The following PSMD5 variants were observed in gnomAD, a reference collection of about 807,000 sequenced individuals.
The protein encoded by PSMD5 is 26S proteasome non-ATPase regulatory subunit 5.
PSMD5 carries 40 observed loss-of-function variants against 52.1 expected under a neutral mutation model. The ratio of observed to expected loss-of-function variants is 0.77; its 90% confidence interval spans 0.60 to 1.00. The LOEUF (loss-of-function observed/expected upper bound fraction) is 1.00. PSMD5 is among the 50% of genes least tolerant of loss of function. The probability of loss-of-function intolerance (pLI) is 0.00; values close to 1 mark genes in which losing one functional copy is unlikely to be tolerated. For missense variants in PSMD5, 575 were observed against 605.2 expected (o/e 0.95, Z 0.52); for synonymous variants, 211 against 226.6 (o/e 0.93, Z 0.62).
In PSMD5 at chr9:120,832,089, C is replaced by G. The variant is rs965228463; in HGVS notation, c.319-144G>C. ...CAATTCATTAAAAAATCAAAATGACCTAAATTCATTCAGTCAAACACACAT... is the reference window on the plus strand; with the variant it reads ...CAATTCATTAAAAAATCAAAATGACGTAAATTCATTCAGTCAAACACACAT... On this transcript the variant is annotated intron_variant, in intron 2 of 9. Transcript: ENST00000210313. 4 of 1,360,440 alleles carry G rather than the reference C, an allele frequency of 2.9e-6. No individual in the cohort carries two copies. In the African/African-American group the frequency reaches 5.8e-5, roughly 20 times the overall value. The allele number at this position is 1,360,440 out of a possible 1,614,324, so 84.3% of individuals were successfully genotyped here. A position where few individuals can be genotyped will look rare whatever the true frequency, so the allele number is the denominator to read the frequency against.
chr9:120,823,928 A>C (rs1160008511), intron 7 of PSMD5, among the ~76,000 whole-genome samples: 1 of 151,966 alleles, frequency 6.6e-6, no homozygotes, highest in Non-Finnish European at 1.5e-5. Context: ...CATTTTTATA[A>C]ATGAAGAAAA....
intron 6 of PSMD5, 123 bp from the exon 7 acceptor site, chr9:120,824,808 T>C (rs1564474929): frequency 1.3e-6 from 1 of 782,414 alleles, no homozygotes; most frequent in Non-Finnish European, 2.0e-6. Context: ...GTTAGAGTAG[T>C]GTGTTGCCTG....
rs1320929124 is a variant in PSMD5 at position 120,831,916 on chromosome 9, A to T, written c.348T>A (p.Ala116=). The T allele has an allele frequency of 6.2e-7, 1 of 1,613,058 alleles. No individual in the cohort carries two copies. Among genetic ancestry groups the T allele is most frequent in the Non-Finnish European group, 8.5e-7 (1 of 1,179,806 alleles). ...CAGCATTATTTAGAATCTCAGTAACAGCATCAGAATTTTCAACAATTCTTC... is the reference window on the plus strand; with the variant it reads ...CAGCATTATTTAGAATCTCAGTAACTGCATCAGAATTTTCAACAATTCTTC... The part of the protein sequence containing the change: ...QIGRIVENSD[A]VTEILNNAEL... Residue 116 remains alanine, a synonymous_variant, in exon 3 of 10, where the codon GCT becomes GCA. Transcript: ENST00000210313.
In PSMD5 at chr9:120,829,195, A is replaced by C; in HGVS notation, c.575T>G (p.Ile192Ser). ...RYRVYELIIE[I>S]SSVSPESLNY... is the part of the protein sequence containing the mutation. ...TAAAGATTCTGGTGACACGGAAGAA[A>C]TCTCTATAATTAGCTGAAATAAAAA... Residue 192 changes from isoleucine (I) to serine (S), a missense_variant, in exon 5 of 10, where the codon ATT becomes AGT. By Grantham distance (142) the Ile-to-Ser change is moderately radical (BLOSUM62 -2). Transcript: ENST00000210313. The C allele has an allele frequency of 6.3e-7, 1 of 1,593,242 alleles. No homozygotes were observed. Among genetic ancestry groups the C allele is most frequent in the Non-Finnish European group, 8.5e-7 (1 of 1,171,882 alleles).
chr9:120,824,210 A>G, intron 7 of PSMD5: 1 of 431,710 alleles, frequency 2.3e-6, no homozygotes, highest in Non-Finnish European at 4.2e-6. Context: ...ATCTAGTCAA[A>G]GAAGACATCA....
chr9:120,826,971 C>A, intron 5 of PSMD5, 64 bp from the exon 6 acceptor site: 1 of 1,465,454 alleles, frequency 6.8e-7, no homozygotes, highest in South Asian at 1.3e-5. Context: ...TTATAAATTG[C>A]TCTCATACAG....
At position 120,817,665 on chromosome 9, in the gene PSMD5, G is replaced by C. The variant is rs1485548889; in HGVS notation, c.*241C>G. ...GTTGCAAAGATTAAGGCAGTGAAAGGAATCTGAAAAACACTGGATCTATTA... is the reference window on the plus strand; with the variant it reads ...GTTGCAAAGATTAAGGCAGTGAAAGCAATCTGAAAAACACTGGATCTATTA... On this transcript the variant is annotated 3_prime_UTR_variant, in exon 10 of 10. Coordinates refer to ENST00000210313, the MANE Select transcript of PSMD5 (RefSeq NM_005047.4). 5 of 459,940 alleles carry C rather than the reference G, an allele frequency of 1.1e-5. No individual in the cohort carries two copies. In the Admixed American group the frequency reaches 1.8e-4, roughly 17 times the overall value. 28.5% of individuals were successfully genotyped at this position (459,940 alleles called of 1,614,324 possible). A position where few individuals can be genotyped will look rare whatever the true frequency, so the allele number is the denominator to read the frequency against.
Position 120,842,782 on chromosome 9 carries a change from TCCG to T in PSMD5, c.125_127del (p.Ala42del). Reference sequence around the variant, plus strand: ...GGAGAAGAGCGGGCCGAGGCGCAGCTCCGCCGCTTGCTGGCGAAGCTCGTTGAG... The same window carrying T: ...GGAGAAGAGCGGGCCGAGGCGCAGCTCCGCTTGCTGGCGAAGCTCGTTGAG... On this transcript the variant is annotated inframe_deletion, in exon 1 of 10. Transcript: ENST00000210313. 1 of 1,613,024 alleles carries T rather than the reference TCCG, an allele frequency of 6.2e-7. No individual in the cohort carries two copies. Among genetic ancestry groups the T allele is most frequent in the African/African-American group, 1.3e-5 (1 of 75,078 alleles).
chr9:120,838,248 A>G (rs1283742090), intron 1 of PSMD5, among the ~76,000 whole-genome samples: 1 of 152,254 alleles, frequency 6.6e-6, no homozygotes, highest in Non-Finnish European at 1.5e-5. Context: ...ACGTTTTATT[A>G]AGTGCAGTTC....
chr9:120,826,617 A>G, intron 6 of PSMD5, 148 bp downstream of exon 6: 1 of 1,010,602 alleles, frequency 9.9e-7, no homozygotes, highest in East Asian at 2.7e-5. Flanking sequence ...GTTGCTCTAG[A>G]TATCTTCTAA....
At chr9:120,841,279 A>C (rs62581707) in intron 1 of PSMD5, among the ~76,000 whole-genome samples, 1 of 151,936 alleles carries the variant, frequency 6.6e-6, no homozygotes, top group East Asian at 1.9e-4. Context: ...TTTCTTTTTC[A>C]TTCAACAACA....
In PSMD5 at chr9:120,842,781, C is replaced by T. The variant is rs767247682; in HGVS notation, c.129G>A (p.Glu43=). The T allele has an allele frequency of 8.7e-6, 14 of 1,613,072 alleles. No homozygotes were observed. Among genetic ancestry groups the T allele is most frequent in the Non-Finnish European group, 1.2e-5 (14 of 1,180,006 alleles). ...GGGAGAAGAGCGGGCCGAGGCGCAGCTCCGCCGCTTGCTGGCGAAGCTCGT... is the reference window on the plus strand; with the variant it reads ...GGGAGAAGAGCGGGCCGAGGCGCAGTTCCGCCGCTTGCTGGCGAAGCTCGT... ...PLNELRQQAA[E]LRLGPLFSLL... is the part of the protein sequence containing the mutation. The change falls in exon 1 of 10, where the codon GAG becomes GAA. Residue 43 remains glutamate, a synonymous_variant. Coordinates refer to ENST00000210313, the MANE Select transcript of PSMD5 (RefSeq NM_005047.4).
intron 1 of PSMD5, among the ~76,000 whole-genome samples, chr9:120,836,150 C>CA (rs1461419105): frequency 5.3e-5 from 8 of 152,320 alleles, no homozygotes; most frequent in Admixed American, 1.3e-4. Flanking sequence ...CTTCAAAGTT[C>CA]ATCTGTCAGA....
At position 120,842,788 on chromosome 9, in the gene PSMD5, G is replaced by C. The variant is rs1469547135; in HGVS notation, c.122C>G (p.Ala41Gly). The C allele has an allele frequency of 6.2e-7, 1 of 1,612,858 alleles. No homozygotes were observed. The highest frequency in any genetic ancestry group is 1.7e-5 in the Admixed American group (1 of 60,016). The change falls in exon 1 of 10, where the codon GCG becomes GGG. Residue 41 changes from alanine to glycine, a missense_variant. Physicochemically the swap from Ala to Gly is moderately conservative, Grantham distance 60. Coordinates refer to ENST00000210313, the MANE Select transcript of PSMD5 (RefSeq NM_005047.4). ...GAGCGGGCCGAGGCGCAGCTCCGCC[G>C]CTTGCTGGCGAAGCTCGTTGAGCGG... Reference protein sequence around the residue: ...AVPLNELRQQAAELRLGPLFS... With the variant: ...AVPLNELRQQGAELRLGPLFS...
intron 2 of PSMD5, 82 bp from the exon 3 acceptor site, chr9:120,832,027 A>C: frequency 1.3e-6 from 2 of 1,528,636 alleles, no homozygotes; most frequent in Admixed American, 4.2e-5. Context: ...TCCTTAGTGC[A>C]CAGTTATTTT....
rs757517186 is a variant in PSMD5, at chr9:120,831,463, A to G, written c.433-4T>C. 1.3e-6 allele frequency: 2 copies of G among 1,596,578 alleles called. No individual in the cohort carries two copies. The highest frequency in any genetic ancestry group is 1.1e-5 in the South Asian group (1 of 88,024). On this transcript the variant is annotated splice_region_variant and splice_polypyrimidine_tract_variant and intron_variant, in intron 3 of 9. Coordinates refer to ENST00000210313, the MANE Select transcript of PSMD5 (RefSeq NM_005047.4). Reference sequence around the variant, plus strand: ...TTCTTGACAGGGATTTGATAGCCTTATAACGAAAGAAAATATCTCTTACAT... The same window carrying G: ...TTCTTGACAGGGATTTGATAGCCTTGTAACGAAAGAAAATATCTCTTACAT...
chr9:120,826,553 T>C, intron 6 of PSMD5: 1 of 519,590 alleles, frequency 1.9e-6, no homozygotes, highest in African/African-American at 1.9e-5. Context: ...ATAGGATAAA[T>C]CCCACTTCAT....
chr9:120,830,829 AT>A (rs1204083577), intron 4 of PSMD5, among the ~76,000 whole-genome samples: 3 of 151,900 alleles, frequency 2.0e-5, no homozygotes, highest in Non-Finnish European at 1.5e-5. Flanking sequence ...ACTACTACAA[AT>A]TTTTTCAAGT....
chr9:120,841,248 T>C (rs375359392), intron 1 of PSMD5, among the ~76,000 whole-genome samples: 102 of 152,314 alleles, frequency 6.7e-4, no homozygotes, highest in African/African-American at 2.3e-3. Flanking sequence ...GTTAAAATTA[T>C]AGATTGATAT....
Sources: allele counts gnomAD v4.1 joint callset (sites outside exome capture counted in the v4.1 genomes callset), GRCh38; gene constraint gnomAD v4.1.1; transcripts MANE v1.5; gene names NCBI Gene and HGNC (gene_info 2026-07-23, HGNC 2026-07-21).